Variants in MAPK10 observed in about 807,000 individuals in gnomAD.
The protein encoded by MAPK10 is JNK3 alpha protein kinase.
Under a neutral mutation model 59.3 loss-of-function variants are expected in MAPK10, and 25 were observed. That is an observed-to-expected ratio of 0.42 (90% CI 0.31 to 0.59). The LOEUF (loss-of-function observed/expected upper bound fraction) is 0.59. MAPK10 is among the 20% of genes least tolerant of loss of function. MAPK10 has a pLI of 0.15. For missense variants in MAPK10, 351 were observed against 568.9 expected (o/e 0.62, Z 3.90); for synonymous variants, 190 against 200.5 (o/e 0.95, Z 0.44).
chr4:86,190,592 T>C (rs1475994782), intron 3 of MAPK10, among the ~76,000 whole-genome samples: 3 of 152,196 alleles, frequency 2.0e-5, no homozygotes, highest in Non-Finnish European at 2.9e-5. Flanking sequence ...AGTGGTGATA[T>C]CCCCTTCTTC....
intron 2 of MAPK10, among the ~76,000 whole-genome samples, chr4:86,263,689 C>A (rs952011861): frequency 6.6e-6 from 1 of 152,202 alleles, no homozygotes; most frequent in African/African-American, 2.4e-5. Context: ...GACCACTTTA[C>A]TGGTGCCTGA....
intron 2 of MAPK10, among the ~76,000 whole-genome samples, chr4:86,215,438 A>G (rs771385937): frequency 2.0e-5 from 3 of 152,254 alleles, no homozygotes; most frequent in African/African-American, 7.2e-5. Context: ...AAACTTGTTC[A>G]TGAAAGGATA....
intron 2 of MAPK10, among the ~76,000 whole-genome samples, chr4:86,299,578 T>C (rs1460234471): frequency 3.3e-5 from 5 of 152,158 alleles, no homozygotes; most frequent in Non-Finnish European, 5.9e-5. Flanking sequence ...GAGAAATAAA[T>C]TTCTGTTATG....
At chr4:86,386,822 T>C (rs1198762072) in intron 1 of MAPK10, among the ~76,000 whole-genome samples, 1 of 152,136 alleles carries the variant, frequency 6.6e-6, no homozygotes, top group African/African-American at 2.4e-5. Context: ...ATCTTGGCCA[T>C]CCAGTGCCCA....
chr4:86,253,432 CAT>C (rs2093556451), intron 2 of MAPK10, among the ~76,000 whole-genome samples: 1 of 119,844 alleles, frequency 8.3e-6, no homozygotes. Context: ...CTGACATAAT[CAT>C]GTGGTTTTTG....
intron 4 of MAPK10, among the ~76,000 whole-genome samples, chr4:86,148,465 A>T (rs1380379337): frequency 6.6e-6 from 1 of 151,978 alleles, no homozygotes; most frequent in Admixed American, 6.5e-5. Flanking sequence ...CATAAGCAGT[A>T]TGGAAGACGG....
chr4:86,243,064 G>A lies in MAPK10; in HGVS notation c.-6-48657C>T, dbSNP rs181896779. On this transcript the variant is annotated intron_variant, in intron 2 of 13. Coordinates refer to ENST00000641462, the MANE Select transcript of MAPK10 (RefSeq NM_138982.4). Reference sequence around the variant, plus strand: ...TGCCTCCCTTGGCTGGCGGGAGGGGGGTCCCCTTCCCCGTGTGGGTCTTCC... The same window carrying A: ...TGCCTCCCTTGGCTGGCGGGAGGGGAGTCCCCTTCCCCGTGTGGGTCTTCC... Among the ~76,000 whole-genome samples, 678 of 152,300 alleles carry A rather than the reference G, an allele frequency of 4.5e-3. 4 individuals are homozygous for A. Among genetic ancestry groups the A allele is most frequent in the Non-Finnish European group, 8.2e-3 (559 of 68,030 alleles).
At chr4:86,138,281 C>A (rs1378178028) in intron 4 of MAPK10, among the ~76,000 whole-genome samples, 9 of 17,276 alleles carry the variant, frequency 5.2e-4, no homozygotes, top group African/African-American at 1.2e-3. Context: ...ATGCAAAAAT[C>A]CTCAATAAAA....
chr4:86,525,342 C>T (rs75726659), intron 1 of MAPK10, among the ~76,000 whole-genome samples: 7,135 of 152,150 alleles, frequency 0.047, 223 homozygotes, highest in African/African-American at 0.059. Context: ...CAAGCAAATA[C>T]AGAGTGCTAA....
intron 2 of MAPK10, among the ~76,000 whole-genome samples, chr4:86,311,452 C>T (rs2095667741): frequency 6.6e-6 from 1 of 152,130 alleles, no homozygotes; most frequent in East Asian, 1.9e-4. Context: ...ACCTTCAACA[C>T]TGTCACAATG....
At chr4:86,136,309 G>A (rs2062074612) in intron 4 of MAPK10, among the ~76,000 whole-genome samples, 1 of 152,072 alleles carries the variant, frequency 6.6e-6, no homozygotes, top group South Asian at 2.1e-4. Flanking sequence ...CCCACAAAGG[G>A]AAGCCCATCA....
chr4:86,345,797 T>C (rs192502370), intron 2 of MAPK10, among the ~76,000 whole-genome samples: 24 of 152,346 alleles, frequency 1.6e-4, no homozygotes, highest in African/African-American at 3.6e-4. Context: ...TTTTCCTATA[T>C]ATTCCTGCAG....
intron 2 of MAPK10, among the ~76,000 whole-genome samples, chr4:86,332,222 TA>T (rs2096171198): frequency 6.6e-6 from 1 of 152,224 alleles, no homozygotes; most frequent in Admixed American, 6.5e-5. Flanking sequence ...ATATTACATT[TA>T]AATAAGTTTA....
At chr4:86,095,691 G>T (rs146297201) in intron 9 of MAPK10, 1 of 151,766 alleles carries the variant, frequency 6.6e-6, no homozygotes, top group African/African-American at 2.4e-5. Flanking sequence ...GAGGTTATCT[G>T]ACTGCTCAGT....
intron 4 of MAPK10, among the ~76,000 whole-genome samples, chr4:86,135,784 T>C (rs574281267): frequency 3.9e-5 from 6 of 151,972 alleles, no homozygotes; most frequent in Non-Finnish European, 8.8e-5. Flanking sequence ...TTGAAAACTT[T>C]GAAAAAAATT....
At chr4:86,300,777 A>T (rs1456627938) in intron 2 of MAPK10, 1 of 152,060 alleles carries the variant, frequency 6.6e-6, no homozygotes, top group Non-Finnish European at 1.5e-5. Flanking sequence ...CGGCAAGATA[A>T]CTATGTACCG....
At chr4:86,180,454 C>A (rs2076644598) in intron 3 of MAPK10, among the ~76,000 whole-genome samples, 1 of 146,780 alleles carries the variant, frequency 6.8e-6, no homozygotes, top group African/African-American at 2.5e-5. Context: ...ATAGAACTAC[C>A]ATATGATCCA....
chr4:86,372,924 G>C (rs997411489), intron 1 of MAPK10, among the ~76,000 whole-genome samples: 3 of 152,070 alleles, frequency 2.0e-5, no homozygotes, highest in Admixed American at 2.0e-4. Flanking sequence ...ATTTCATGTG[G>C]AACCAAAAAA....
At chr4:86,538,481 T>G (rs1171178207) in intron 1 of MAPK10, among the ~76,000 whole-genome samples, 1 of 152,218 alleles carries the variant, frequency 6.6e-6, no homozygotes, top group African/African-American at 2.4e-5. Flanking sequence ...AATCTTAATT[T>G]CTGGGAGACA....
Sources: gnomAD v4.1 joint callset for allele counts (sites outside exome capture counted in the v4.1 genomes callset) on GRCh38, gnomAD v4.1.1 for gene constraint, MANE v1.5 for transcripts, NCBI Gene and HGNC (gene_info 2026-07-23, HGNC 2026-07-21) for gene names.